MROH9: variants seen among roughly 807,000 people sequenced by gnomAD.
MROH9 encodes the protein maestro heat like repeat family member 9.
In MROH9, 92 loss-of-function variants were observed where a neutral mutation model predicts 98.2. That is an observed-to-expected ratio of 0.94 (90% CI 0.79 to 1.11). MROH9 has a LOEUF of 1.11. Ranked by LOEUF, MROH9 falls within the 50% of genes most tolerant of loss-of-function variation. The pLI is 0.00. For missense variants in MROH9, 1,057 were observed against 1,014.8 expected, an observed-to-expected ratio of 1.04 and a Z score of -0.57; for synonymous variants, 397 against 368.9, an observed-to-expected ratio of 1.08 and a Z score of -0.87.
At chr1:170,992,034 T>G in intron 11 of MROH9, 130 bp from the exon 12 acceptor site, 1 of 828,424 alleles carries the variant, frequency 1.2e-6, no homozygotes, top group Non-Finnish European at 1.7e-6. Flanking sequence ...CAGTTTGCTT[T>G]GGACATGTCT....
rs1452788913 is a variant in MROH9, at chr1:170,959,532, G to T, written c.223G>T (p.Val75Phe). 1 of 1,613,536 alleles carries T rather than the reference G, an allele frequency of 6.2e-7. No individual in the cohort carries two copies. Among genetic ancestry groups the T allele is most frequent in the African/African-American group, 1.3e-5 (1 of 74,886 alleles). The change falls in exon 5 of 22, where the codon GTC becomes TTC. Residue 75 changes from valine to phenylalanine, a missense_variant. Physicochemically the swap from Val to Phe is conservative, Grantham distance 50. Coordinates refer to ENST00000367759, the MANE Select transcript of MROH9 (RefSeq NM_001163629.2). Reference sequence around the variant, plus strand: ...AGAGTCATCCTTTGGAATGCTAGTTGTCATGCCAAGTCTTGACAAAGTAAA... The same window carrying T: ...AGAGTCATCCTTTGGAATGCTAGTTTTCATGCCAAGTCTTGACAAAGTAAA... The part of the protein sequence containing the change: ...IIESSFGMLV[V>F]MPSLDKVKEM...
chr1:171,014,282 G>T, intron 16 of MROH9, 28 bp downstream of exon 16: 1 of 1,532,958 alleles, frequency 6.5e-7, no homozygotes, highest in Non-Finnish European at 8.8e-7. Context: ...GTGTCTGCAA[G>T]CATCATCTAA....
intron 16 of MROH9, chr1:171,015,172 A>T (rs1369947516): frequency 4.8e-6 from 2 of 415,544 alleles, no homozygotes; most frequent in Non-Finnish European, 9.8e-6. Flanking sequence ...ACTGAAGCCT[A>T]TCAGTGGACA....
Position 170,959,584 on chromosome 1 carries a change from T to C in MROH9, c.275T>C (p.Ile92Thr), listed in dbSNP as rs1649934834. The C allele has an allele frequency of 3.1e-6, 5 of 1,612,748 alleles. No homozygotes were observed. The East Asian group carries it at 6.7e-5, about 22-fold the overall frequency. Residue 92 changes from isoleucine to threonine, a missense_variant, in exon 5 of 22, where the codon ATT (isoleucine) becomes ACT (threonine). Coordinates refer to ENST00000367759, the MANE Select transcript of MROH9 (RefSeq NM_001163629.2). ...VKEMGSSYEY[I>T]EDMENLYHNI... Reference sequence around the variant, plus strand: ...GAAATGGGGAGCAGTTATGAGTACATTGAGGACATGGAGGTAAAATTTTTC... The same window carrying C: ...GAAATGGGGAGCAGTTATGAGTACACTGAGGACATGGAGGTAAAATTTTTC...
At chr1:170,957,722 T>C (rs1006243398) in intron 3 of MROH9, among the ~76,000 whole-genome samples, 1 of 152,170 alleles carries the variant, frequency 6.6e-6, no homozygotes, top group African/African-American at 2.4e-5. Flanking sequence ...AAAGGCTAAA[T>C]TCTCATTCCA....
chr1:170,950,318 CAA>C (rs1443698106), intron 3 of MROH9, among the ~76,000 whole-genome samples: 1 of 151,588 alleles, frequency 6.6e-6, no homozygotes, highest in Non-Finnish European at 1.5e-5. Flanking sequence ...TATTAATAAC[CAA>C]AAAAAGATGG....
chr1:171,058,251 GA>G (rs746321883), intron 20 of MROH9, among the ~76,000 whole-genome samples: 129 of 149,426 alleles, frequency 8.6e-4, no homozygotes, highest in Non-Finnish European at 1.6e-3. Flanking sequence ...TCACTACAAA[GA>G]GAATAAAATA....
chr1:171,038,660 A>T (rs1465868033), intron 20 of MROH9, among the ~76,000 whole-genome samples: 1 of 152,184 alleles, frequency 6.6e-6, no homozygotes, highest in Non-Finnish European at 1.5e-5. Flanking sequence ...CAAGAAACAA[A>T]CAAAAAAAGT....
At chr1:170,949,259 C>T (rs1360237163) in intron 3 of MROH9, among the ~76,000 whole-genome samples, 1 of 152,022 alleles carries the variant, frequency 6.6e-6, no homozygotes, top group East Asian at 1.9e-4. Flanking sequence ...GCTGCCAACA[C>T]TTCCACAAGT....
chr1:171,033,500 G>A (rs1652996677), intron 20 of MROH9, among the ~76,000 whole-genome samples: 1 of 152,164 alleles, frequency 6.6e-6, no homozygotes, highest in African/African-American at 2.4e-5. Context: ...TGGCTTTGGG[G>A]GAGGGGCTTC....
chr1:171,051,836 A>G (rs1460635002), intron 20 of MROH9, among the ~76,000 whole-genome samples: 1 of 152,160 alleles, frequency 6.6e-6, no homozygotes, highest in Non-Finnish European at 1.5e-5. Flanking sequence ...TACCCTTGCC[A>G]TTCTTTGATA....
chr1:170,948,498 C>A (rs1392272225), intron 3 of MROH9, among the ~76,000 whole-genome samples: 1 of 151,954 alleles, frequency 6.6e-6, no homozygotes, highest in African/African-American at 2.4e-5. Flanking sequence ...CAGAAAGATG[C>A]AGTTTAGAAT....
chr1:171,039,859 C>T (rs992245656), intron 20 of MROH9, among the ~76,000 whole-genome samples: 1 of 152,068 alleles, frequency 6.6e-6, no homozygotes, highest in Admixed American at 6.6e-5. Flanking sequence ...AATTGCTAAG[C>T]CCATGCTCCA....
chr1:170,992,172 T>C lies in MROH9; in HGVS notation c.1037T>C (p.Ile346Thr). 1.2e-6 allele frequency: 2 copies of C among 1,610,626 alleles called. No homozygotes were observed. The highest frequency in any genetic ancestry group is 1.7e-6 in the Non-Finnish European group (2 of 1,178,468). Residue 346 changes from isoleucine (I) to threonine (T), a missense_variant, in exon 12 of 22, where the codon ATA becomes ACA. Transcript: ENST00000367759. Reference sequence around the variant, plus strand: ...TGGGGCTGTGTTTGCAGCACTCTGATACAGATGTGGAAGGCGGCATGTTCT... The same window carrying C: ...TGGGGCTGTGTTTGCAGCACTCTGACACAGATGTGGAAGGCGGCATGTTCT... ...DYPVPADDTL[I>T]QMWKAACSQA...
intron 17 of MROH9, among the ~76,000 whole-genome samples, chr1:171,023,930 G>T (rs867781095): frequency 5.3e-5 from 8 of 152,030 alleles, no homozygotes; most frequent in African/African-American, 1.7e-4. Flanking sequence ...TCAGCTGCTG[G>T]CAACCTAGGC....
chr1:170,945,497 C>T (rs1649294325), intron 1 of MROH9, 23 bp from the exon 2 acceptor site: 6 of 1,570,958 alleles, frequency 3.8e-6, no homozygotes, highest in Non-Finnish European at 5.3e-6. Context: ...GGTTTATGTA[C>T]TAATACGTGA....
At chr1:170,957,944 G>A (rs1302542686) in intron 3 of MROH9, among the ~76,000 whole-genome samples, 2 of 152,062 alleles carry the variant, frequency 1.3e-5, no homozygotes, top group African/African-American at 4.8e-5. Context: ...GAGTAGCTGG[G>A]ACTACAGGCG....
At chr1:171,001,811 A>G (rs930898584) in intron 15 of MROH9, among the ~76,000 whole-genome samples, 14 of 152,146 alleles carry the variant, frequency 9.2e-5, no homozygotes, top group Non-Finnish European at 1.9e-4. Flanking sequence ...TTCTGTCTTG[A>G]TGACTTGTTT....
intron 15 of MROH9, among the ~76,000 whole-genome samples, chr1:171,009,693 A>C (rs550006799): frequency 2.6e-5 from 4 of 152,222 alleles, no homozygotes; most frequent in Non-Finnish European, 4.4e-5. Context: ...GACAGCTAGG[A>C]GTACTTTAGC....
Sources: allele counts gnomAD v4.1 joint callset (sites outside exome capture counted in the v4.1 genomes callset), GRCh38; gene constraint gnomAD v4.1.1; transcripts MANE v1.5; gene names NCBI Gene and HGNC (gene_info 2026-07-23, HGNC 2026-07-21).